The following WDPCP variants were observed in gnomAD, a reference collection of about 807,000 sequenced individuals.
WDPCP encodes the protein WD repeat-containing and planar cell polarity effector protein fritz homolog.
In WDPCP, 71 loss-of-function variants were observed where a neutral mutation model predicts 93.1. The observed-to-expected ratio is 0.76, with a 90% CI of 0.63 to 0.93. The LOEUF (loss-of-function observed/expected upper bound fraction) is 0.93, where lower values mean the gene tolerates loss of function less well. Among genes scored for constraint, WDPCP ranks in the 40% least tolerant of loss-of-function variants. The probability of loss-of-function intolerance (pLI) is 0.00; values close to 1 mark genes in which losing one functional copy is unlikely to be tolerated. For missense variants in WDPCP, 844 were observed against 887.4 expected (o/e 0.95, Z 0.62); for synonymous variants, 315 against 315.0 (o/e 1.00, Z 0.00).
chr2:63,256,089 G>T (rs899332378), intron 14 of WDPCP, among the ~76,000 whole-genome samples: 2 of 152,038 alleles, frequency 1.3e-5, no homozygotes, highest in Admixed American at 1.3e-4. Flanking sequence ...ATATTATAAA[G>T]AAATAAATTC....
intron 3 of WDPCP, chr2:63,606,775 A>G (rs976342482): frequency 9.8e-6 from 9 of 919,536 alleles, no homozygotes; most frequent in African/African-American, 6.8e-5. Flanking sequence ...AAAACGATAT[A>G]CCTCTAAATA....
rs189494284 is a variant in WDPCP at position 63,803,075 on chromosome 2, A to C, written n.308+10547T>G. Among the ~76,000 whole-genome samples, 11 of 152,342 alleles carry C rather than the reference A, an allele frequency of 7.2e-5. No individual in the cohort carries two copies. The East Asian group carries it at 2.1e-3, about 29-fold the overall frequency. Reference sequence around the variant, plus strand: ...ATATATGGAGTAACACAGACACCTCATATAGGTGATCAGAGGAACACATGC... The same window carrying C: ...ATATATGGAGTAACACAGACACCTCCTATAGGTGATCAGAGGAACACATGC... On this transcript the variant is annotated intron_variant and non_coding_transcript_variant, in intron 2 of 4. Coordinates refer to the WDPCP transcript ENST00000467687.
At chr2:63,683,764 G>A (rs564381452) in intron 2 of WDPCP, among the ~76,000 whole-genome samples, 13 of 151,930 alleles carry the variant, frequency 8.6e-5, no homozygotes, top group Admixed American at 3.3e-4. Flanking sequence ...CAGGAAAATC[G>A]CTTGAACCCA....
At chr2:63,645,507 T>C (rs1365395419) in intron 3 of WDPCP, among the ~76,000 whole-genome samples, 1 of 152,226 alleles carries the variant, frequency 6.6e-6, no homozygotes, top group Non-Finnish European at 1.5e-5. Flanking sequence ...TCTGAAAGTG[T>C]CTATTTGGTC....
chr2:63,819,107 C>T (rs988637487), intron 1 of WDPCP, among the ~76,000 whole-genome samples: 1 of 152,024 alleles, frequency 6.6e-6, no homozygotes, highest in Non-Finnish European at 1.5e-5. Context: ...TGTACAGAAA[C>T]AGCTGAGGTA....
intron 15 of WDPCP, 107 bp from the exon 16 acceptor site, chr2:63,153,681 G>A: frequency 7.5e-6 from 5 of 664,686 alleles, no homozygotes; most frequent in African/African-American, 1.9e-5. Context: ...AAAGTTTCTG[G>A]GTTAAAAAAT....
intron 12 of WDPCP, among the ~76,000 whole-genome samples, chr2:63,344,075 C>A (rs1427465259): frequency 6.6e-6 from 1 of 151,958 alleles, no homozygotes; most frequent in Non-Finnish European, 1.5e-5. Flanking sequence ...ATGGGCCATA[C>A]CTTCCTGCTT....
At chr2:63,272,703 A>G (rs1479549545) in intron 13 of WDPCP, among the ~76,000 whole-genome samples, 1 of 152,250 alleles carries the variant, frequency 6.6e-6, no homozygotes. Flanking sequence ...GATTTAAACA[A>G]CAGATTAGAT....
chr2:63,553,563 A>G (rs1324635724), intron 1 of WDPCP, among the ~76,000 whole-genome samples: 1 of 152,120 alleles, frequency 6.6e-6, no homozygotes, highest in Non-Finnish European at 1.5e-5. Context: ...CAACATATTC[A>G]AGACATAATT....
Position 63,313,240 on chromosome 2 carries a change from TGACTCAC to T in WDPCP, c.1812+1_1812+7del. On this transcript the variant is annotated splice_donor_variant and splice_donor_5th_base_variant and intron_variant, in intron 13 of 17. Transcript: ENST00000272321. LOFTEE classifies it high-confidence loss of function. ...GAAGGCACAAAATCATCTCTGAAAA[TGACTCAC>T]CATAAAGAGGTCACGAGCACCAACG... 1 of 1,613,036 alleles carries T rather than the reference TGACTCAC, an allele frequency of 6.2e-7. No homozygotes were observed. Among genetic ancestry groups the T allele is most frequent in the South Asian group, 1.1e-5 (1 of 91,016 alleles).
chr2:63,648,992 T>C (rs532910127), intron 3 of WDPCP, among the ~76,000 whole-genome samples: 1 of 152,306 alleles, frequency 6.6e-6, no homozygotes, highest in South Asian at 2.1e-4. Flanking sequence ...CCAAGTACAA[T>C]ACTTAACACA....
At chr2:63,283,519 T>C (rs914200356) in intron 13 of WDPCP, among the ~76,000 whole-genome samples, 5 of 152,236 alleles carry the variant, frequency 3.3e-5, no homozygotes, top group Non-Finnish European at 5.9e-5. Context: ...TGTTTACATA[T>C]TGCCGATGGC....
intron 3 of WDPCP, among the ~76,000 whole-genome samples, chr2:63,603,076 C>T (rs1709458911): frequency 6.6e-6 from 1 of 151,840 alleles, no homozygotes; most frequent in Non-Finnish European, 1.5e-5. Context: ...TCTCCTGCCT[C>T]AGCCTCCTGA....
At chr2:63,546,204 C>G (rs1055662118) in intron 1 of WDPCP, among the ~76,000 whole-genome samples, 1 of 152,118 alleles carries the variant, frequency 6.6e-6, no homozygotes, top group Admixed American at 6.6e-5. Context: ...CATTACTGTT[C>G]CGCCTAAAGA....
intron 1 of WDPCP, among the ~76,000 whole-genome samples, chr2:63,548,564 T>C (rs184057082): frequency 4.6e-4 from 70 of 152,266 alleles, no homozygotes; most frequent in African/African-American, 1.6e-3. Flanking sequence ...GAATATGTAC[T>C]CTTCTAAAAC....
intron 6 of WDPCP, among the ~76,000 whole-genome samples, chr2:63,464,913 T>C (rs1025087157): frequency 1.4e-4 from 21 of 152,000 alleles, no homozygotes; most frequent in Middle Eastern, 3.2e-3. Flanking sequence ...TGTTGTTTAA[T>C]GGGTATAGAG....
At chr2:63,819,021 T>A (rs541510269) in intron 1 of WDPCP, among the ~76,000 whole-genome samples, 14 of 152,292 alleles carry the variant, frequency 9.2e-5, no homozygotes, top group Non-Finnish European at 1.8e-4. Context: ...ATATATAATA[T>A]ACACACATAG....
chr2:63,315,389 C>T (rs1441346677), intron 12 of WDPCP, among the ~76,000 whole-genome samples: 1 of 148,328 alleles, frequency 6.7e-6, no homozygotes, highest in Non-Finnish European at 1.5e-5. Context: ...GTGCCCCTAA[C>T]TTTCACAGAA....
chr2:63,701,048 A>G (rs1575751113), intron 2 of WDPCP, among the ~76,000 whole-genome samples: 1 of 152,206 alleles, frequency 6.6e-6, no homozygotes. Context: ...ACAGCAAAGG[A>G]GGCAACAAGG....
Sources: gnomAD v4.1 joint callset for allele counts (sites outside exome capture counted in the v4.1 genomes callset) on GRCh38, gnomAD v4.1.1 for gene constraint, MANE v1.5 for transcripts, NCBI Gene and HGNC (gene_info 2026-07-23, HGNC 2026-07-21) for gene names.